NLRP14: variants seen among roughly 807,000 people sequenced by gnomAD.
The protein encoded by NLRP14 is NLR family pyrin domain containing 14.
Under a neutral mutation model 94.7 loss-of-function variants are expected in NLRP14, and 105 were observed. That is an observed-to-expected ratio of 1.11 (90% CI 0.95 to 1.30). NLRP14 has a LOEUF of 1.30. NLRP14 is among the 50% of genes most tolerant of loss of function. The probability of loss-of-function intolerance (pLI) is 0.00; values close to 1 mark genes in which losing one functional copy is unlikely to be tolerated. For missense variants in NLRP14, 1,362 were observed against 1,254.1 expected (o/e 1.09, Z -1.30); for synonymous variants, 508 against 459.9 (o/e 1.10, Z -1.34).
intron 4 of NLRP14, among the ~76,000 whole-genome samples, chr11:7,044,289 G>C (rs144543133): frequency 1.3e-5 from 2 of 152,302 alleles, no homozygotes; most frequent in East Asian, 3.9e-4. Context: ...GAGCACTTCA[G>C]TCTTCAAGGA....
chr11:7,081,423 C>A, the NLRP14 span, among the ~76,000 whole-genome samples: 9 of 152,022 alleles, frequency 5.9e-5, no homozygotes, highest in African/African-American at 1.9e-4. Context: ...AAAGGCTAAT[C>A]TTTTATAGTC....
chr11:7,050,974 T>C (rs1201879893), intron 6 of NLRP14, among the ~76,000 whole-genome samples: 1 of 152,344 alleles, frequency 6.6e-6, no homozygotes, highest in East Asian at 1.9e-4. Context: ...AGAGGAAAGA[T>C]GTTTTCTTAC....
chr11:7,086,380 G>C, the NLRP14 span, among the ~76,000 whole-genome samples: 1 of 152,166 alleles, frequency 6.6e-6, no homozygotes, highest in African/African-American at 2.4e-5. Context: ...AGGCCCTCCA[G>C]GCTTTTGCCA....
At position 7,071,136 on chromosome 11, in the gene NLRP14, T is replaced by G. The variant is rs1471397116; in HGVS notation, c.3147-37T>G. On this transcript the variant is annotated intron_variant, in intron 11 of 11. Transcript: ENST00000299481. ...AGAAAGTGGAGGGCTGTAGGGAAAT[T>G]GAATGCAGGAAAAGAGATGTTCCCT... The G allele has an allele frequency of 3.7e-6, 6 of 1,613,166 alleles. No homozygotes were observed. The Admixed American group carries it at 6.7e-5, about 18-fold the overall frequency.
intron 5 of NLRP14, among the ~76,000 whole-genome samples, chr11:7,049,069 G>A (rs1380010981): frequency 6.6e-6 from 1 of 152,164 alleles, no homozygotes; most frequent in African/African-American, 2.4e-5. Flanking sequence ...ACAAAGCGAG[G>A]TTTTGGACAG....
chr11:7,068,855 T>C (rs1407785457), intron 10 of NLRP14, among the ~76,000 whole-genome samples: 1 of 152,148 alleles, frequency 6.6e-6, no homozygotes, highest in Non-Finnish European at 1.5e-5. Context: ...GGTCTTGTTC[T>C]GTTACCCAAG....
In NLRP14 at chr11:7,043,976, T is replaced by C. The variant is rs1852313289; in HGVS notation, c.1950T>C (p.Thr650=). ...AGATATTAAAAACAAGCCTCCCAAC[T>C]AACACTTGGTAAGTGTGTTAGGGCC... is the stretch of plus-strand genomic sequence containing the variant. The part of the protein sequence containing the change: ...EKKILKTSLP[T]NTWDGDRITH... Residue 650 remains threonine (T), a synonymous_variant, in exon 4 of 12, where the codon ACT becomes ACC. Transcript: ENST00000299481. 4 of 1,613,962 alleles carry C rather than the reference T, an allele frequency of 2.5e-6. No individual in the cohort carries two copies. Among genetic ancestry groups the C allele is most frequent in the Non-Finnish European group, 3.4e-6 (4 of 1,179,920 alleles).
At chr11:7,089,790 G>T in the NLRP14 span, 2 of 1,599,520 alleles carry the variant, frequency 1.3e-6, no homozygotes, top group Non-Finnish European at 8.5e-7. Context: ...CTCGAGCCGA[G>T]ACTACCGCGA....
chr11:7,072,041 T>G (rs1293865920), downstream of NLRP14, among the ~76,000 whole-genome samples: 1 of 151,902 alleles, frequency 6.6e-6, no homozygotes, highest in Non-Finnish European at 1.5e-5. Flanking sequence ...ACAATAAATT[T>G]TGTGTGTGTG....
chr11:7,079,079 A>G, the NLRP14 span, among the ~76,000 whole-genome samples: 1 of 152,228 alleles, frequency 6.6e-6, no homozygotes, highest in South Asian at 2.1e-4. Context: ...TTGCAAGACA[A>G]TTCTTTGCAT....
chr11:7,046,835 A>G lies in NLRP14; in HGVS notation c.2123+3A>G. On this transcript the variant is annotated splice_donor_region_variant and intron_variant, in intron 5 of 11. Coordinates refer to ENST00000299481, the MANE Select transcript of NLRP14 (RefSeq NM_176822.4). Reference sequence around the variant, plus strand: ...AACTGTAAACTACAAAAGCTACTGTAAGTCTGGTATGAGAAAATTTAATGG... The same window carrying G: ...AACTGTAAACTACAAAAGCTACTGTGAGTCTGGTATGAGAAAATTTAATGG... 1 of 1,608,690 alleles carries G rather than the reference A, an allele frequency of 6.2e-7. No homozygotes were observed. The highest frequency in any genetic ancestry group is 8.5e-7 in the Non-Finnish European group (1 of 1,175,200).
chr11:7,066,161 A>G (rs1477969028), intron 10 of NLRP14, among the ~76,000 whole-genome samples: 5 of 152,210 alleles, frequency 3.3e-5, no homozygotes, highest in Non-Finnish European at 5.9e-5. Flanking sequence ...TGGTGCTGCA[A>G]TAAACATACA....
the NLRP14 span, chr11:7,090,389 C>T: frequency 4.9e-6 from 7 of 1,414,622 alleles, no homozygotes; most frequent in Middle Eastern, 4.8e-4. Context: ...AGGACTAGTA[C>T]AAGGAAGAGT....
chr11:7,026,171 G>T (rs12421704), intron 1 of NLRP14, among the ~76,000 whole-genome samples: 1 of 151,990 alleles, frequency 6.6e-6, no homozygotes, highest in East Asian at 1.9e-4. Flanking sequence ...TAATTAAACT[G>T]AAGAGCTTCT....
Position 7,057,680 on chromosome 11 carries a change from G to T in NLRP14, c.2295G>T (p.Leu765=), listed in dbSNP as rs758625029. Residue 765 remains leucine, a synonymous_variant, in exon 7 of 12, where the codon CTG becomes CTT. Coordinates refer to ENST00000299481, the MANE Select transcript of NLRP14 (RefSeq NM_176822.4). ...GCTTTTCTGTGTTGTTTTCCAGGCT[G>T]GAATCTTGCAACCTAACTGTATTTT... The part of the protein sequence containing the change: ...HPECKLQTLR[L]ESCNLTVFCC... 2.5e-6 allele frequency: 4 copies of T among 1,612,084 alleles called. No homozygotes were observed. The highest frequency in any genetic ancestry group is 3.4e-6 in the Non-Finnish European group (4 of 1,178,550).
the NLRP14 span, chr11:7,090,421 T>G: frequency 2.4e-6 from 3 of 1,264,180 alleles, no homozygotes; most frequent in Non-Finnish European, 3.4e-6. Context: ...TTTAAGAATT[T>G]CCTGTTAAGA....
intron 1 of NLRP14, among the ~76,000 whole-genome samples, chr11:7,021,451 G>A (rs947021481): frequency 1.4e-4 from 22 of 152,084 alleles, no homozygotes; most frequent in Non-Finnish European, 2.4e-4. Context: ...ATTACTGGGC[G>A]TGGGCCTTCC....
At chr11:7,041,370 A>T (rs13377349) in intron 3 of NLRP14, among the ~76,000 whole-genome samples, 1 of 152,142 alleles carries the variant, frequency 6.6e-6, no homozygotes, top group Non-Finnish European at 1.5e-5. Flanking sequence ...AGAAATAACC[A>T]GTATTAATAT....
rs768144879 is a variant in NLRP14 at position 7,057,792 on chromosome 11, G to T, written c.2407G>T (p.Val803Leu). Reference sequence around the variant, plus strand: ...AACCAATAATCTGTTGGATGATGGAGTGCAGCTTTTGTGTGAGGCCTTAAG... The same window carrying T: ...AACCAATAATCTGTTGGATGATGGATTGCAGCTTTTGTGTGAGGCCTTAAG... ...LSTNNLLDDG[V>L]QLLCEALRHP... Residue 803 changes from valine (V) to leucine (L), a missense_variant, in exon 7 of 12, where the codon GTG becomes TTG. Transcript: ENST00000299481. 6.2e-7 allele frequency: 1 copy of T among 1,612,246 alleles called. No individual in the cohort carries two copies. The highest frequency in any genetic ancestry group is 1.7e-5 in the Admixed American group (1 of 59,952).
Sources: gnomAD v4.1 joint callset for allele counts (sites outside exome capture counted in the v4.1 genomes callset) on GRCh38, gnomAD v4.1.1 for gene constraint, MANE v1.5 for transcripts, NCBI Gene and HGNC (gene_info 2026-07-23, HGNC 2026-07-21) for gene names.